Variants in GSE1 observed in about 807,000 individuals in gnomAD.
GSE1 encodes the protein genetic suppressor element 1.
In GSE1, 32 loss-of-function variants were observed where a neutral mutation model predicts 112.6. The ratio of observed to expected loss-of-function variants is 0.28; its 90% CI spans 0.21 to 0.38. GSE1 has a LOEUF of 0.38. GSE1 is among the 10% of genes least tolerant of loss of function. GSE1 has a pLI of 1.00. For synonymous variants in GSE1, 1,115 were observed against 735.6 expected (o/e 1.52, Z -8.35); for missense variants, 2,348 against 1,699.2 (o/e 1.38, Z -6.71).
intron 1 of GSE1, among the ~76,000 whole-genome samples, chr16:85,262,331 C>T (rs371835730): frequency 2.6e-5 from 4 of 152,256 alleles, no homozygotes; most frequent in East Asian, 3.9e-4. Flanking sequence ...TGGTGACACG[C>T]GGTGGCAGAG....
intron 1 of GSE1, among the ~76,000 whole-genome samples, chr16:85,255,903 G>T (rs999176875): frequency 1.3e-5 from 2 of 148,576 alleles, no homozygotes; most frequent in African/African-American, 2.5e-5. Flanking sequence ...GTCCAGGCTG[G>T]TCTCAAACTC....
intron 1 of GSE1, among the ~76,000 whole-genome samples, chr16:85,558,510 C>T (rs2045347831): frequency 6.6e-6 from 1 of 152,198 alleles, no homozygotes; most frequent in African/African-American, 2.4e-5. Context: ...GAGGAAGTGT[C>T]AGGCTGGGAA....
At chr16:85,452,122 T>G (rs966464987) in intron 2 of GSE1, among the ~76,000 whole-genome samples, 5 of 152,040 alleles carry the variant, frequency 3.3e-5, no homozygotes, top group African/African-American at 1.2e-4. Flanking sequence ...GCGCGAATAA[T>G]TGGATTTTAA....
chr16:85,271,308 G>T (rs1908810985), intron 1 of GSE1, among the ~76,000 whole-genome samples: 1 of 152,118 alleles, frequency 6.6e-6, no homozygotes, highest in African/African-American at 2.4e-5. Flanking sequence ...TTCCTCCCCT[G>T]CCCCTCTTCC....
chr16:85,302,448 G>GT (rs141484739), intron 1 of GSE1, among the ~76,000 whole-genome samples: 2 of 149,586 alleles, frequency 1.3e-5, no homozygotes, highest in African/African-American at 4.9e-5. Flanking sequence ...ACAGCACACC[G>GT]CCCCCCCCCG....
intron 2 of GSE1, among the ~76,000 whole-genome samples, chr16:85,383,272 A>T (rs566799482): frequency 6.6e-6 from 1 of 151,502 alleles, no homozygotes; most frequent in Admixed American, 6.6e-5. Flanking sequence ...GAGCATACAC[A>T]CAGTTCCCAG....
chr16:85,308,294 G>C (rs988009814), intron 1 of GSE1, among the ~76,000 whole-genome samples: 7 of 151,948 alleles, frequency 4.6e-5, no homozygotes, highest in Non-Finnish European at 1.5e-5. Flanking sequence ...ACCATTCTGT[G>C]GACACCGAGT....
intron 2 of GSE1, among the ~76,000 whole-genome samples, chr16:85,448,926 C>T (rs2049588894): frequency 6.6e-6 from 1 of 152,212 alleles, no homozygotes; most frequent in South Asian, 2.1e-4. Flanking sequence ...TCTCTACGCG[C>T]AGCAATTGAG....
intron 2 of GSE1, among the ~76,000 whole-genome samples, chr16:85,517,677 G>C (rs969231037): frequency 3.3e-5 from 5 of 152,072 alleles, no homozygotes; most frequent in African/African-American, 4.8e-5. Flanking sequence ...TTCTTTTCTC[G>C]TTTTATCTCA....
At chr16:85,619,909 G>C (rs758713435) in intron 1 of GSE1, among the ~76,000 whole-genome samples, 4 of 152,132 alleles carry the variant, frequency 2.6e-5, no homozygotes, top group Non-Finnish European at 5.9e-5. Context: ...CCCACACCAT[G>C]ATTTTCCCAC....
intron 1 of GSE1, among the ~76,000 whole-genome samples, chr16:85,267,848 G>T (rs1308821947): frequency 2.0e-5 from 3 of 152,212 alleles, no homozygotes; most frequent in Non-Finnish European, 4.4e-5. Context: ...CATGAGCCAT[G>T]GAACCAGATG....
chr16:85,598,417 C>T (rs1031445415), intron 1 of GSE1, among the ~76,000 whole-genome samples: 3 of 152,114 alleles, frequency 2.0e-5, no homozygotes, highest in Admixed American at 6.5e-5. Context: ...ATCCCAGAGC[C>T]GCGTGTCTGG....
chr16:85,664,322 G>C (rs951486602), intron 11 of GSE1, among the ~76,000 whole-genome samples: 4 of 152,234 alleles, frequency 2.6e-5, no homozygotes, highest in Non-Finnish European at 4.4e-5. Context: ...AAGGAAAGCA[G>C]AGTTACTTCT....
rs141677036 is a variant in GSE1, at chr16:85,642,352, C to T, written c.227-6200C>T. Among the ~76,000 whole-genome samples the T allele has an allele frequency of 2.5e-4, 38 of 152,350 alleles. No individual in the cohort carries two copies. In the East Asian group the frequency reaches 6.0e-3, roughly 24 times the overall value. Reference sequence around the variant, plus strand: ...TTAAAAAGAAAATTTTAAACACTAACTTGGGGACAGAACTGATGACAGGAA... The same window carrying T: ...TTAAAAAGAAAATTTTAAACACTAATTTGGGGACAGAACTGATGACAGGAA... On this transcript the variant is annotated intron_variant, in intron 2 of 15. Coordinates refer to ENST00000253458, the MANE Select transcript of GSE1 (RefSeq NM_014615.5).
At chr16:85,536,758 G>A (rs1194712388) in intron 2 of GSE1, among the ~76,000 whole-genome samples, 6 of 152,194 alleles carry the variant, frequency 3.9e-5, no homozygotes, top group Admixed American at 3.3e-4. Flanking sequence ...GGGTGAGAGG[G>A]AGGGAAGAGG....
chr16:85,563,200 TTTTTC>T, intron 1 of GSE1, among the ~76,000 whole-genome samples: 1 of 139,330 alleles, frequency 7.2e-6, no homozygotes, highest in Non-Finnish European at 1.5e-5. Context: ...TTTTTTTTTT[TTTTTC>T]TTTTAAGAGC....
At chr16:85,416,412 G>A (rs2048703292) in intron 2 of GSE1, among the ~76,000 whole-genome samples, 1 of 152,092 alleles carries the variant, frequency 6.6e-6, no homozygotes, top group Admixed American at 6.5e-5. Flanking sequence ...TGGTGAGATG[G>A]GGTGGGGCCA....
intron 2 of GSE1, among the ~76,000 whole-genome samples, chr16:85,442,471 G>GAATGAAC (rs2049401354): frequency 1.9e-5 from 2 of 105,404 alleles, no homozygotes; most frequent in African/African-American, 7.9e-5. Flanking sequence ...AATGAATGAA[G>GAATGAAC]GGATAGAGAG....
At chr16:85,606,845 C>T (rs77535849), upstream of GSE1, among the ~76,000 whole-genome samples, 1,202 of 152,310 alleles carry the variant, frequency 7.9e-3, 14 homozygotes, top group African/African-American at 0.028. Context: ...GCAGAAGCGT[C>T]CAAAACTCCC....
Sources: gnomAD v4.1 joint callset for allele counts (sites outside exome capture counted in the v4.1 genomes callset) on GRCh38, gnomAD v4.1.1 for gene constraint, MANE v1.5 for transcripts, NCBI Gene and HGNC (gene_info 2026-07-23, HGNC 2026-07-21) for gene names.